The following IGSF5 variants were observed in gnomAD, a reference collection of about 807,000 sequenced individuals.
IGSF5 encodes the protein immunoglobulin superfamily 5 like.
A neutral mutation model predicts 39.4 loss-of-function variants in IGSF5; 41 were observed. The ratio of observed to expected loss-of-function variants is 1.04; its 90% CI spans 0.81 to 1.35. The LOEUF (loss-of-function observed/expected upper bound fraction) is 1.35. Among genes scored for constraint, IGSF5 ranks in the 40% most tolerant of loss-of-function variants. The pLI, the probability that IGSF5 is intolerant of heterozygous loss-of-function variation, is 0.00. For synonymous variants in IGSF5, 183 were observed against 175.3 expected, an observed-to-expected ratio of 1.04 and a Z score of -0.34; for missense variants, 487 against 494.6, an observed-to-expected ratio of 0.98 and a Z score of 0.15.
At chr21:39,762,365 A>G (rs781172079) in intron 2 of IGSF5, among the ~76,000 whole-genome samples, 1 of 152,330 alleles carries the variant, frequency 6.6e-6, no homozygotes, top group African/African-American at 2.4e-5. Flanking sequence ...TAAGATGTAC[A>G]TCCAGGTCAT....
At chr21:39,719,552 T>G in the IGSF5 span, among the ~76,000 whole-genome samples, 1 of 152,122 alleles carries the variant, frequency 6.6e-6, no homozygotes, top group East Asian at 1.9e-4. Context: ...GCAGGTTCTC[T>G]TCCAGGTCTT....
At chr21:39,737,280 C>T in the IGSF5 span, among the ~76,000 whole-genome samples, 103 of 152,200 alleles carry the variant, frequency 6.8e-4, 2 homozygotes, top group Admixed American at 4.8e-3. Context: ...GGTTGGGGTT[C>T]TCCAACACAA....
At chr21:39,712,628 C>G in the IGSF5 span, among the ~76,000 whole-genome samples, 141 of 152,178 alleles carry the variant, frequency 9.3e-4, 1 homozygote, top group Admixed American at 1.6e-3. Flanking sequence ...TGCATAGCCT[C>G]CTTCCCTGTC....
In IGSF5 at chr21:39,765,735, G is replaced by A. The variant is rs1243642223; in HGVS notation, c.301G>A (p.Gly101Ser). ...CTTCACCTCTCAGAGGTACGACCAG[G>A]GCGGGAACTTCACCTCGGAGATGAT... ...DRFTSQRYDQ[G>S]GNFTSEMIIH... The change falls in exon 3 of 9, where the codon GGC (glycine) becomes AGC (serine). Residue 101 changes from glycine (G) to serine (S), a missense_variant. Physicochemically the swap from Gly to Ser is moderately conservative, Grantham distance 56 (BLOSUM62 0). Transcript: ENST00000380588. 3.1e-6 allele frequency: 5 copies of A among 1,613,964 alleles called. No homozygotes were observed. The African/African-American group carries it at 6.7e-5, about 22-fold the overall frequency.
In IGSF5 at chr21:39,745,470, G is replaced by A. The variant is rs532873060; in HGVS notation, c.-40G>A. 311 of 713,272 alleles carry A rather than the reference G, an allele frequency of 4.4e-4. No individual in the cohort carries two copies. Among genetic ancestry groups the A allele is most frequent in the Non-Finnish European group, 6.3e-4 (243 of 384,510 alleles). 44.2% of individuals were successfully genotyped at this position (713,272 alleles called of 1,614,324 possible). On this transcript the variant is annotated 5_prime_UTR_variant, in exon 1 of 9. Transcript: ENST00000380588. The stretch of plus-strand genomic sequence containing the variant: ...ATTCAGAGGTAAGGAGAATTTTGGG[G>A]CTATACTTTCAAGAAAGTCGTGTTC...
intron 3 of IGSF5, among the ~76,000 whole-genome samples, chr21:39,769,962 A>G (rs931030056): frequency 6.6e-6 from 1 of 152,222 alleles, no homozygotes; most frequent in Non-Finnish European, 1.5e-5. Context: ...TGGTCAAACT[A>G]TCTCATTCAG....
chr21:39,768,039 T>C (rs2080095238), intron 3 of IGSF5, among the ~76,000 whole-genome samples: 2 of 152,196 alleles, frequency 1.3e-5, no homozygotes, highest in South Asian at 4.1e-4. Flanking sequence ...AAGTCACAAG[T>C]CTACAAATTT....
chr21:39,755,136 C>T (rs1444343693), intron 2 of IGSF5, among the ~76,000 whole-genome samples: 1 of 152,100 alleles, frequency 6.6e-6, no homozygotes, highest in Non-Finnish European at 1.5e-5. Flanking sequence ...ATTGCTGTGT[C>T]GTTTTCTGTA....
At chr21:39,790,242 G>A (rs1033692040) in intron 6 of IGSF5, among the ~76,000 whole-genome samples, 4 of 152,150 alleles carry the variant, frequency 2.6e-5, no homozygotes, top group Admixed American at 6.5e-5. Context: ...GATCCATACC[G>A]TGGCACGTGA....
chr21:39,729,448 A>C, the IGSF5 span: 1 of 152,314 alleles, frequency 6.6e-6, no homozygotes, highest in East Asian at 1.9e-4. Flanking sequence ...AATCGGGGAA[A>C]GTGGATATGG....
At chr21:39,763,752 G>A (rs1214257056) in intron 2 of IGSF5, among the ~76,000 whole-genome samples, 10 of 152,162 alleles carry the variant, frequency 6.6e-5, no homozygotes, top group Admixed American at 4.6e-4. Context: ...CAGGAGGAGT[G>A]TGGTTATTAC....
At chr21:39,768,487 G>T (rs2837190) in intron 3 of IGSF5, among the ~76,000 whole-genome samples, 47,492 of 152,090 alleles carry the variant, frequency 0.31, 8,018 homozygotes, top group Non-Finnish European at 0.39. Context: ...GGAATCCCAA[G>T]TGTATACAGA....
At chr21:39,750,445 T>C (rs1015617913) in intron 2 of IGSF5, among the ~76,000 whole-genome samples, 6 of 149,828 alleles carry the variant, frequency 4.0e-5, no homozygotes, top group African/African-American at 1.5e-4. Context: ...GAGTTCAAGG[T>C]TGCAGTGACC....
the IGSF5 span, chr21:39,730,340 C>T: frequency 6.6e-6 from 1 of 152,076 alleles, no homozygotes; most frequent in Admixed American, 6.5e-5. Flanking sequence ...GATTAGGGCC[C>T]ACTATACAGA....
chr21:39,738,835 A>T, the IGSF5 span, among the ~76,000 whole-genome samples: 8 of 152,178 alleles, frequency 5.3e-5, no homozygotes, highest in South Asian at 8.3e-4. This position sits in a 1 kb window ranked among gnomAD's most constrained non-coding sequence, Gnocchi z 6.4. Context: ...ATGAGGGTAC[A>T]TCTTCACAAG....
intron 2 of IGSF5, among the ~76,000 whole-genome samples, chr21:39,753,692 T>A (rs1381710707): frequency 6.6e-6 from 1 of 152,178 alleles, no homozygotes; most frequent in East Asian, 1.9e-4. Flanking sequence ...GATTGTAATA[T>A]CTTCTTGTTG....
rs1007157034 is a variant in IGSF5, at chr21:39,788,248, A to G, written c.956+60A>G. Reference sequence around the variant, plus strand: ...AAACAAAAAAAATTGAACAACAACAATAATAACAACAATACGTACACACAA... The same window carrying G: ...AAACAAAAAAAATTGAACAACAACAGTAATAACAACAATACGTACACACAA... On this transcript the variant is annotated intron_variant, in intron 6 of 8. Transcript: ENST00000380588. 14 of 1,255,202 alleles carry G rather than the reference A, an allele frequency of 1.1e-5. No homozygotes were observed. In the African/African-American group the frequency reaches 1.2e-4, roughly 11 times the overall value. 77.8% of individuals were successfully genotyped at this position (1,255,202 alleles called of 1,614,324 possible).
the IGSF5 span, among the ~76,000 whole-genome samples, chr21:39,713,401 A>T: frequency 6.6e-6 from 1 of 152,196 alleles, no homozygotes; most frequent in Non-Finnish European, 1.5e-5. Flanking sequence ...ATGGTTAGGT[A>T]GCAGGACAAA....
the IGSF5 span, among the ~76,000 whole-genome samples, chr21:39,721,531 T>C: frequency 3.9e-4 from 60 of 152,208 alleles, no homozygotes; most frequent in Non-Finnish European, 1.6e-4. Context: ...ACTCAGACTA[T>C]CTGGATAATC....
Sources: gnomAD v4.1 joint callset for allele counts (sites outside exome capture counted in the v4.1 genomes callset) on GRCh38, gnomAD v4.1.1 for gene constraint, Gnocchi (gnomAD v3.1) non-coding constraint, MANE v1.5 for transcripts, NCBI Gene and HGNC (gene_info 2026-07-23, HGNC 2026-07-21) for gene names.